The following SMARCC1 variants were observed in gnomAD, a reference collection of about 807,000 sequenced individuals.
SMARCC1 encodes the protein SWI/SNF related BAF chromatin remodeling complex subunit C1.
In SMARCC1, 43 loss-of-function variants were observed where a neutral mutation model predicts 147.4. The observed-to-expected ratio is 0.29, with a 90% CI of 0.23 to 0.38. The LOEUF is 0.38. Ranked by LOEUF, SMARCC1 falls within the 10% of genes least tolerant of loss-of-function variation. The probability of loss-of-function intolerance (pLI) is 1.00; values close to 1 mark genes in which losing one functional copy is unlikely to be tolerated. For missense variants in SMARCC1, 1,119 were observed against 1,381.1 expected (o/e 0.81, Z 3.01); for synonymous variants, 495 against 484.4 (o/e 1.02, Z -0.29).
chr3:47,699,309 G>C (rs1305671693), intron 11 of SMARCC1, among the ~76,000 whole-genome samples: 1 of 152,114 alleles, frequency 6.6e-6, no homozygotes. Flanking sequence ...AAAAGGACAA[G>C]TACTAATTCT....
chr3:47,723,724 T>C (rs1459091771), intron 6 of SMARCC1, among the ~76,000 whole-genome samples: 1 of 151,850 alleles, frequency 6.6e-6, no homozygotes, highest in African/African-American at 2.4e-5. Context: ...GAGGCAGAAA[T>C]GCTTGAACCT....
chr3:47,713,761 T>C (rs571850518), intron 8 of SMARCC1, among the ~76,000 whole-genome samples: 2 of 152,274 alleles, frequency 1.3e-5, no homozygotes, highest in East Asian at 3.9e-4. Flanking sequence ...ATGGTAGAAA[T>C]GATTAATAAA....
At chr3:47,682,612 G>A (rs988583105) in intron 14 of SMARCC1, among the ~76,000 whole-genome samples, 10 of 152,062 alleles carry the variant, frequency 6.6e-5, no homozygotes, top group Non-Finnish European at 1.3e-4. Context: ...GTCCTCTTAG[G>A]CCATTGTACT....
At chr3:47,774,235 A>G (rs1054174162) in intron 1 of SMARCC1, among the ~76,000 whole-genome samples, 1 of 106,170 alleles carries the variant, frequency 9.4e-6, no homozygotes, top group African/African-American at 4.2e-5. Flanking sequence ...GCAATCATTT[A>G]CTTTTTTTTT....
chr3:47,643,519 T>A (rs1467596562), intron 21 of SMARCC1, among the ~76,000 whole-genome samples: 1 of 148,020 alleles, frequency 6.8e-6, no homozygotes, highest in Non-Finnish European at 1.5e-5. Context: ...TAATATGGAG[T>A]GAACAAAAAA....
At chr3:47,751,629 G>A (rs1341218940) in intron 2 of SMARCC1, among the ~76,000 whole-genome samples, 1 of 152,056 alleles carries the variant, frequency 6.6e-6, no homozygotes, top group Non-Finnish European at 1.5e-5. Flanking sequence ...CACTTTGGGA[G>A]GCCACAGTAG....
intron 18 of SMARCC1, among the ~76,000 whole-genome samples, chr3:47,671,964 AAAC>A (rs1326432577): frequency 6.6e-6 from 1 of 152,202 alleles, no homozygotes; most frequent in Admixed American, 6.5e-5. Context: ...AACAAAAATA[AAAC>A]AACAACAAAA....
intron 25 of SMARCC1, among the ~76,000 whole-genome samples, chr3:47,614,925 T>A (rs1183987223): frequency 1.3e-5 from 2 of 152,204 alleles, no homozygotes; most frequent in Non-Finnish European, 2.9e-5. Flanking sequence ...TGCTCCTAAC[T>A]CCCTTGACTC....
Position 47,680,492 on chromosome 3 carries a change from G to GTTCAATCAC in SMARCC1, c.1393_1401dup (p.Val465_Glu467dup). On this transcript the variant is annotated inframe_insertion, in exon 15 of 28. Coordinates refer to ENST00000254480, the MANE Select transcript of SMARCC1 (RefSeq NM_003074.4). ...TTGAAGAACTCAGGAAGAGCACGCC[G>GTTCAATCAC]TTCAATCACATGAATACTGAAAAGA... 1 of 1,584,806 alleles carries GTTCAATCAC rather than the reference G, an allele frequency of 6.3e-7. No homozygotes were observed. Among genetic ancestry groups the GTTCAATCAC allele is most frequent in the South Asian group, 1.1e-5 (1 of 90,408 alleles).
At chr3:47,717,303 C>T (rs548988883) in intron 7 of SMARCC1, among the ~76,000 whole-genome samples, 39 of 152,080 alleles carry the variant, frequency 2.6e-4, no homozygotes, top group Non-Finnish European at 3.8e-4. Flanking sequence ...CACAGTAATC[C>T]GTTCAAATAA....
chr3:47,771,160 C>G (rs1195377837), intron 2 of SMARCC1, among the ~76,000 whole-genome samples: 1 of 152,144 alleles, frequency 6.6e-6, no homozygotes, highest in African/African-American at 2.4e-5. Flanking sequence ...CCGCCCACCT[C>G]AGCCTCCCAA....
intron 4 of SMARCC1, among the ~76,000 whole-genome samples, chr3:47,737,201 G>A (rs1330722506): frequency 2.0e-5 from 3 of 152,044 alleles, no homozygotes; most frequent in Non-Finnish European, 4.4e-5. Flanking sequence ...AGACCAGCCT[G>A]GCTAACATGG....
intron 21 of SMARCC1, among the ~76,000 whole-genome samples, chr3:47,639,601 T>C (rs2033022572): frequency 1.3e-5 from 2 of 152,030 alleles, no homozygotes; most frequent in African/African-American, 2.4e-5. Context: ...ATAGCCCTAG[T>C]TACTCAGGAG....
At position 47,638,774 on chromosome 3, in the gene SMARCC1, G is replaced by T. The variant is rs1317663183; in HGVS notation, c.2327C>A (p.Ala776Asp). Residue 776 changes from alanine (A) to aspartate (D), a missense_variant, in exon 22 of 28, where the codon GCT becomes GAT. Coordinates refer to ENST00000254480, the MANE Select transcript of SMARCC1 (RefSeq NM_003074.4). Reference protein sequence around the residue: ...GPDEPEKLEGAEEEKMEADPD... With the variant: ...GPDEPEKLEGDEEEKMEADPD... ...GTCGGCTTCCATTTTTTCCTCTTCA[G>T]CTCCTTCTACAAGTAAAAGAATAAG... is the stretch of plus-strand genomic sequence containing the variant. 1 of 1,611,116 alleles carries T rather than the reference G, an allele frequency of 6.2e-7. No homozygotes were observed. The highest frequency in any genetic ancestry group is 2.2e-5 in the East Asian group (1 of 44,854).
chr3:47,707,236 C>CG (rs2034004119), intron 9 of SMARCC1, among the ~76,000 whole-genome samples: 1 of 151,696 alleles, frequency 6.6e-6, no homozygotes, highest in African/African-American at 2.4e-5. Flanking sequence ...TGCTTGAACC[C>CG]GGTAGGCAAA....
chr3:47,677,772 A>G (rs6773732), intron 16 of SMARCC1, among the ~76,000 whole-genome samples: 93,793 of 151,886 alleles, frequency 0.62, 29,692 homozygotes, highest in East Asian at 0.72. Flanking sequence ...TCCTGACCTC[A>G]GGTGATCCGC....
chr3:47,631,596 G>A (rs945133044), intron 24 of SMARCC1, among the ~76,000 whole-genome samples: 1 of 152,070 alleles, frequency 6.6e-6, no homozygotes, highest in African/African-American at 2.4e-5. Flanking sequence ...TTGTCAGCAG[G>A]TGCAATGAAA....
intron 5 of SMARCC1, among the ~76,000 whole-genome samples, chr3:47,734,738 T>C (rs2106827703): frequency 6.6e-6 from 1 of 152,286 alleles, no homozygotes; most frequent in South Asian, 2.1e-4. Context: ...TACTAGTACA[T>C]GTGTATCAAG....
intron 24 of SMARCC1, among the ~76,000 whole-genome samples, chr3:47,628,753 A>C (rs1284866214): frequency 6.6e-6 from 1 of 152,112 alleles, no homozygotes; most frequent in Non-Finnish European, 1.5e-5. Flanking sequence ...TTTAGTAGAC[A>C]TGGGGTTTCA....
Sources: allele counts gnomAD v4.1 joint callset (sites outside exome capture counted in the v4.1 genomes callset), GRCh38; gene constraint gnomAD v4.1.1; transcripts MANE v1.5; gene names NCBI Gene and HGNC (gene_info 2026-07-23, HGNC 2026-07-21).